ATCAY: variants seen among roughly 807,000 people sequenced by gnomAD.
ATCAY encodes caytaxin.
A neutral mutation model predicts 47.7 loss-of-function variants in ATCAY; 22 were observed. The ratio of observed to expected loss-of-function variants is 0.46; its 90% CI spans 0.33 to 0.66. The LOEUF is 0.66. Ranked by LOEUF, ATCAY falls within the 30% of genes least tolerant of loss-of-function variation. The pLI is 0.02. For missense variants in ATCAY, 452 were observed against 515.0 expected, an observed-to-expected ratio of 0.88 and a Z score of 1.18; for synonymous variants, 216 against 207.6, an observed-to-expected ratio of 1.04 and a Z score of -0.35.
chr19:3,881,264 C>T (rs935992583), intron 1 of ATCAY, among the ~76,000 whole-genome samples: 3 of 151,928 alleles, frequency 2.0e-5, no homozygotes, highest in Admixed American at 6.6e-5. Flanking sequence ...TTTCAGGACA[C>T]GCTGAGAGCT....
At chr19:3,893,688 C>A (rs914887798) in intron 2 of ATCAY, 1 of 152,232 alleles carries the variant, frequency 6.6e-6, no homozygotes, top group Non-Finnish European at 1.5e-5. Context: ...CTTGCTCCAC[C>A]CATGTTCCAG....
Position 3,902,558 on chromosome 19 carries a change from G to T in ATCAY, c.136+13G>T. ...GAAGACACATCCTGTAAGTTTCCAC[G>T]TCCACAGAAGGGCGGAAACAGGCTC... On this transcript the variant is annotated intron_variant, in intron 3 of 12. Coordinates refer to ENST00000450849, the MANE Select transcript of ATCAY (RefSeq NM_033064.5). 1.3e-6 allele frequency: 2 copies of T among 1,561,966 alleles called. No individual in the cohort carries two copies. Among genetic ancestry groups the T allele is most frequent in the Non-Finnish European group, 1.7e-6 (2 of 1,152,702 alleles).
intron 12 of ATCAY, among the ~76,000 whole-genome samples, chr19:3,923,058 T>C (rs1019342079): frequency 6.6e-6 from 1 of 152,134 alleles, no homozygotes; most frequent in African/African-American, 2.4e-5. Context: ...CACACAGTTT[T>C]ATACAAATCT....
In ATCAY at chr19:3,927,406, G is replaced by A. The variant is rs2039076780; in HGVS notation, c.*2814G>A. On this transcript the variant is annotated 3_prime_UTR_variant, in exon 13 of 13. Coordinates refer to ENST00000450849, the MANE Select transcript of ATCAY (RefSeq NM_033064.5). ...TGGGCCTTAACCGTCATGGAAGACTGGGGCCGCTTCCAAGTCACAGACAGG... is the reference window on the plus strand; with the variant it reads ...TGGGCCTTAACCGTCATGGAAGACTAGGGCCGCTTCCAAGTCACAGACAGG... 6.6e-6 allele frequency: 1 copy of A among 152,212 alleles called. No individual in the cohort carries two copies. Among genetic ancestry groups the A allele is most frequent in the Non-Finnish European group, 1.5e-5 (1 of 68,088 alleles). 9.4% of individuals were successfully genotyped at this position (152,212 alleles called of 1,614,324 possible). A position where few individuals can be genotyped will look rare whatever the true frequency, so the allele number is the denominator to read the frequency against.
intron 1 of ATCAY, among the ~76,000 whole-genome samples, chr19:3,884,421 G>A (rs1426870483): frequency 6.6e-6 from 1 of 152,174 alleles, no homozygotes; most frequent in Non-Finnish European, 1.5e-5. Flanking sequence ...GCTTGAGGGA[G>A]GACAGAGAGG....
At chr19:3,884,057 G>C (rs757807019) in intron 1 of ATCAY, among the ~76,000 whole-genome samples, 1 of 152,006 alleles carries the variant, frequency 6.6e-6, no homozygotes, top group African/African-American at 2.4e-5. Context: ...TAATCCCAGC[G>C]CTCTGGGAGG....
chr19:3,917,664 AAAAGG>A (rs1388904998), intron 9 of ATCAY, 73 bp from the exon 10 acceptor site: 197 of 1,514,958 alleles, frequency 1.3e-4, no homozygotes, highest in Non-Finnish European at 1.5e-4. Context: ...TCTCTGCTTG[AAAAGG>A]AAAGGGATTT....
rs73539406 is a variant in ATCAY, at chr19:3,909,444, C to T, written c.648-42C>T. On this transcript the variant is annotated intron_variant, in intron 6 of 12. Transcript: ENST00000450849. ...GCACCGCAGGTGTCCTGACCCTGGA[C>T]CCCTCCATGTTGGGTCCCTGCCTTC... 2,111 of 1,600,810 alleles carry T rather than the reference C, an allele frequency of 1.3e-3. 28 individuals carry two copies. In the African/African-American group the frequency reaches 0.026, roughly 20 times the overall value.
chr19:3,917,793 T>C lies in ATCAY; in HGVS notation c.1001+16T>C, dbSNP rs2038979208. The C allele has an allele frequency of 1.9e-6, 3 of 1,607,816 alleles. No homozygotes were observed. Among genetic ancestry groups the C allele is most frequent in the Middle Eastern group, 1.7e-4 (1 of 6,018 alleles). On this transcript the variant is annotated intron_variant, in intron 10 of 12. Coordinates refer to ENST00000450849, the MANE Select transcript of ATCAY (RefSeq NM_033064.5). ...GGAGGGAGAGGTGTGTGCAGAGTGG[T>C]TTCTGCTGGGGCTGGGTCGGGGCAG... is the stretch of plus-strand genomic sequence containing the variant.
At chr19:3,892,799 T>A (rs1255028218) in intron 2 of ATCAY, among the ~76,000 whole-genome samples, 1 of 151,734 alleles carries the variant, frequency 6.6e-6, no homozygotes, top group Non-Finnish European at 1.5e-5. Context: ...TCCCAGCTAC[T>A]GGGGAGGCTG....
At position 3,924,672 on chromosome 19, in the gene ATCAY, A is replaced by T; in HGVS notation, c.*80A>T. On this transcript the variant is annotated 3_prime_UTR_variant, in exon 13 of 13. Coordinates refer to ENST00000450849, the MANE Select transcript of ATCAY (RefSeq NM_033064.5). ...TCTGTCAGACGCCCACTGGCCCCAG[A>T]TCTCATCCTGCCTCATCCTGAGTCC... The T allele has an allele frequency of 6.6e-7, 1 of 1,517,520 alleles. No homozygotes were observed. Among genetic ancestry groups the T allele is most frequent in the Non-Finnish European group, 9.1e-7 (1 of 1,100,588 alleles). 94.0% of individuals were successfully genotyped at this position (1,517,520 alleles called of 1,614,324 possible).
intron 2 of ATCAY, among the ~76,000 whole-genome samples, chr19:3,900,060 A>G (rs2038802948): frequency 6.6e-6 from 1 of 152,198 alleles, no homozygotes; most frequent in Non-Finnish European, 1.5e-5. Flanking sequence ...ATGAATCAAT[A>G]TTGATACTAT....
chr19:3,908,323 A>G lies in ATCAY; in HGVS notation c.600A>G (p.Pro200=), dbSNP rs1381296588. 5.0e-6 allele frequency: 8 copies of G among 1,594,874 alleles called. No individual in the cohort carries two copies. Among genetic ancestry groups the G allele is most frequent in the South Asian group, 3.4e-5 (3 of 87,858 alleles). Residue 200 remains proline (P), a synonymous_variant, in exon 6 of 13, where the codon CCA becomes CCG. Transcript: ENST00000450849. ...AIIVFAACFL[P]DSSLPDYHYI... is the part of the protein sequence containing the mutation. ...TCGTCTTCGCAGCCTGCTTCCTTCC[A>G]GACAGCAGCCTCCCCGACTACCACT...
intron 9 of ATCAY, among the ~76,000 whole-genome samples, chr19:3,916,533 A>G (rs950058294): frequency 1.3e-5 from 2 of 151,990 alleles, no homozygotes; most frequent in Non-Finnish European, 2.9e-5. Context: ...TCACTCTGTC[A>G]CCCAGGCTGG....
Position 3,924,662 on chromosome 19 carries a change from C to T in ATCAY, c.*70C>T, listed in dbSNP as rs2039051483. 1 of 1,570,216 alleles carries T rather than the reference C, an allele frequency of 6.4e-7. No individual in the cohort carries two copies. The highest frequency in any genetic ancestry group is 1.1e-5 in the South Asian group (1 of 88,772). On this transcript the variant is annotated 3_prime_UTR_variant, in exon 13 of 13. Coordinates refer to ENST00000450849, the MANE Select transcript of ATCAY (RefSeq NM_033064.5). Reference sequence around the variant, plus strand: ...CCAGAAAACCTCTGTCAGACGCCCACTGGCCCCAGATCTCATCCTGCCTCA... The same window carrying T: ...CCAGAAAACCTCTGTCAGACGCCCATTGGCCCCAGATCTCATCCTGCCTCA...
intron 4 of ATCAY, among the ~76,000 whole-genome samples, chr19:3,906,889 G>C (rs1162683178): frequency 6.6e-6 from 1 of 151,946 alleles, no homozygotes; most frequent in East Asian, 1.9e-4. Flanking sequence ...TGTAATCCCA[G>C]CACTTTGGGA....
rs2038990262 is a variant in ATCAY, at chr19:3,918,792, C to G, written c.1002-14C>G. On this transcript the variant is annotated splice_polypyrimidine_tract_variant and intron_variant, in intron 10 of 12. Transcript: ENST00000450849. ...GGCTAGTCACCCTTGTCACCTCGTT[C>G]TCTCTGTCCACAGCGCGAGGCCCCA... The G allele has an allele frequency of 1.2e-6, 2 of 1,613,868 alleles. No individual in the cohort carries two copies.
intron 2 of ATCAY, chr19:3,893,744 C>T (rs1194925763): frequency 6.6e-6 from 1 of 152,278 alleles, no homozygotes; most frequent in East Asian, 1.9e-4. Flanking sequence ...GCCAGGTCGG[C>T]TTCTCCAGTT....
chr19:3,903,871 G>A (rs1458259124), intron 3 of ATCAY, among the ~76,000 whole-genome samples: 2 of 151,072 alleles, frequency 1.3e-5, no homozygotes, highest in African/African-American at 4.8e-5. Flanking sequence ...GGTCACCGTG[G>A]CTCACGCCTG....
Sources: allele counts gnomAD v4.1 joint callset (sites outside exome capture counted in the v4.1 genomes callset), GRCh38; gene constraint gnomAD v4.1.1; transcripts MANE v1.5; gene names NCBI Gene and HGNC (gene_info 2026-07-23, HGNC 2026-07-21).